Variants in ATP6V1B2 observed in about 807,000 individuals in gnomAD.
ATP6V1B2 encodes V-type proton ATPase subunit B, brain isoform.
A neutral mutation model predicts 66.7 loss-of-function variants in ATP6V1B2; 23 were observed. The observed-to-expected ratio is 0.34, with a 90% CI of 0.25 to 0.49. The LOEUF is 0.49. ATP6V1B2 is among the 20% of genes least tolerant of loss of function. The pLI is 0.99. For missense variants in ATP6V1B2, 478 were observed against 650.8 expected (o/e 0.73, Z 2.89); for synonymous variants, 278 against 236.7 (o/e 1.17, Z -1.60).
At chr8:20,210,288 G>A in intron 3 of ATP6V1B2, 58 bp from the exon 4 acceptor site, 1 of 1,434,422 alleles carries the variant, frequency 7.0e-7, no homozygotes, top group African/African-American at 1.4e-5. Context: ...CAAATAAAAT[G>A]TAAATGCCCG....
intron 2 of ATP6V1B2, among the ~76,000 whole-genome samples, chr8:20,207,479 G>A (rs977985997): frequency 6.6e-6 from 1 of 152,026 alleles, no homozygotes; most frequent in East Asian, 1.9e-4. Flanking sequence ...ACAGAAGACC[G>A]TTTTTGGGTG....
At chr8:20,204,131 A>T in intron 1 of ATP6V1B2, 1 of 405,446 alleles carries the variant, frequency 2.5e-6, no homozygotes, top group East Asian at 6.7e-5. Context: ...AACCCTGTGC[A>T]GGCCATAGTT....
In ATP6V1B2 at chr8:20,211,247, T is replaced by C. The variant is rs767647683; in HGVS notation, c.534T>C (p.Asp178=). Residue 178 remains aspartate (D), a synonymous_variant, in exon 6 of 14, where the codon GAT becomes GAC. Coordinates refer to ENST00000276390, the MANE Select transcript of ATP6V1B2 (RefSeq NM_001693.4). The stretch of plus-strand genomic sequence containing the variant: ...TTCAGACTGGCATTTCGGCCATCGA[T>C]GGGATGAACAGTATTGCTAGGGGGC... ...EMIQTGISAI[D]GMNSIARGQK... 1 of 1,613,382 alleles carries C rather than the reference T, an allele frequency of 6.2e-7. No individual in the cohort carries two copies. The highest frequency in any genetic ancestry group is 8.5e-7 in the Non-Finnish European group (1 of 1,179,792).
At chr8:20,201,786 A>G (rs1462183686) in intron 1 of ATP6V1B2, among the ~76,000 whole-genome samples, 2 of 152,142 alleles carry the variant, frequency 1.3e-5, no homozygotes. Flanking sequence ...ATTTATAAAG[A>G]AAGGGAATTT....
In ATP6V1B2 at chr8:20,197,431, A is replaced by G. The variant is rs776055441; in HGVS notation, c.25A>G (p.Ile9Val). 6.5e-6 allele frequency: 10 copies of G among 1,544,290 alleles called. No individual in the cohort carries two copies. Among genetic ancestry groups the G allele is most frequent in the Non-Finnish European group, 5.2e-6 (6 of 1,146,566 alleles). Residue 9 changes from isoleucine to valine, a missense_variant, in exon 1 of 14, where the codon ATT becomes GTT. Around this residue, in one of 2 missense-constraint regions of ATP6V1B2, gnomAD observed 152 missense variants for 105.2 expected, o/e 1.44. Transcript: ENST00000276390. MALRAMRG[I>V]VNGAAPELPV... ...GATGGCGCTGCGGGCGATGCGGGGGATTGTCAACGGGGCCGCACCCGAGCT... is the reference window on the plus strand; with the variant it reads ...GATGGCGCTGCGGGCGATGCGGGGGGTTGTCAACGGGGCCGCACCCGAGCT...
intron 2 of ATP6V1B2, among the ~76,000 whole-genome samples, chr8:20,208,105 G>T (rs966451940): frequency 2.0e-5 from 3 of 152,184 alleles, no homozygotes; most frequent in African/African-American, 7.2e-5. Context: ...TAGGGAGAGT[G>T]TAAATTAATA....
chr8:20,218,243 G>C lies in ATP6V1B2; in HGVS notation c.1357G>C (p.Glu453Gln). 6.2e-7 allele frequency: 1 copy of C among 1,613,326 alleles called. No homozygotes were observed. The highest frequency in any genetic ancestry group is 8.5e-7 in the Non-Finnish European group (1 of 1,179,478). ...ALTSDDLLYL[E>Q]FLQKFERNFI... The stretch of plus-strand genomic sequence containing the variant: ...TACCTCAGATGATCTTCTCTACTTG[G>C]AATTTCTGCAGAAGTTTGAGAGGAA... Residue 453 changes from glutamate (E) to glutamine (Q), a missense_variant, in exon 13 of 14, where the codon GAA (glutamate) becomes CAA (glutamine). By Grantham distance (29) the Glu-to-Gln change is conservative. Around this residue, in one of 2 missense-constraint regions of ATP6V1B2, gnomAD observed 326 missense variants for 545.6 expected, o/e 0.60. Coordinates refer to ENST00000276390, the MANE Select transcript of ATP6V1B2 (RefSeq NM_001693.4).
chr8:20,220,235 T>C, intron 13 of ATP6V1B2, 28 bp from the exon 14 acceptor site: 2 of 1,601,268 alleles, frequency 1.2e-6, no homozygotes, highest in Non-Finnish European at 1.7e-6. Context: ...GTCATTTGCA[T>C]TTATTAATTC....
chr8:20,219,474 T>C (rs913644877), intron 13 of ATP6V1B2, among the ~76,000 whole-genome samples: 1 of 152,220 alleles, frequency 6.6e-6, no homozygotes, highest in Non-Finnish European at 1.5e-5. Flanking sequence ...CCATCACCCC[T>C]GCTAATGCTA....
chr8:20,211,918 A>G (rs538948064), intron 7 of ATP6V1B2, among the ~76,000 whole-genome samples, 165 bp downstream of exon 7: 2 of 152,224 alleles, frequency 1.3e-5, no homozygotes, highest in Non-Finnish European at 1.5e-5. Context: ...GACTAATTTG[A>G]AATTTAAGAA....
At chr8:20,198,157 C>T (rs116282412) in intron 1 of ATP6V1B2, among the ~76,000 whole-genome samples, 1 of 152,212 alleles carries the variant, frequency 6.6e-6, no homozygotes, top group Non-Finnish European at 1.5e-5. Flanking sequence ...TCCAGTCCAA[C>T]CCTATCATTT....
intron 13 of ATP6V1B2, among the ~76,000 whole-genome samples, chr8:20,219,615 T>G (rs977512971): frequency 6.6e-6 from 1 of 152,144 alleles, no homozygotes; most frequent in Admixed American, 6.6e-5. Context: ...CCCCAAAATA[T>G]TCATGATTAT....
rs531512220 is a variant in ATP6V1B2 at position 20,210,777 on chromosome 8, A to T, written c.463+131A>T. ...AGGCAACACGCTCCATAGGTTATAAATTATTTTATTATTTAATTATATTTT... is the reference window on the plus strand; with the variant it reads ...AGGCAACACGCTCCATAGGTTATAATTTATTTTATTATTTAATTATATTTT... On this transcript the variant is annotated intron_variant, in intron 5 of 13. Coordinates refer to ENST00000276390, the MANE Select transcript of ATP6V1B2 (RefSeq NM_001693.4). The T allele has an allele frequency of 6.3e-5, 27 of 427,444 alleles. 1 individual carries two copies. The South Asian group carries it at 2.1e-3, about 34-fold the overall frequency. 26.5% of individuals were successfully genotyped at this position (427,444 alleles called of 1,614,324 possible).
intron 1 of ATP6V1B2, among the ~76,000 whole-genome samples, chr8:20,204,262 T>C (rs1239090248): frequency 6.6e-6 from 1 of 152,196 alleles, no homozygotes; most frequent in Admixed American, 6.5e-5. Flanking sequence ...AACAATGACT[T>C]ACTAAGGATT....
chr8:20,204,464 T>C lies in ATP6V1B2; in HGVS notation c.137-20T>C, dbSNP rs768155931. 15 of 1,605,960 alleles carry C rather than the reference T, an allele frequency of 9.3e-6. No homozygotes were observed. The highest frequency in any genetic ancestry group is 1.2e-5 in the Non-Finnish European group (14 of 1,174,360). On this transcript the variant is annotated intron_variant, in intron 1 of 13. Transcript: ENST00000276390. The stretch of plus-strand genomic sequence containing the variant: ...TTTGTGCTATTTGACTAAAACTGAC[T>C]CTTCTGTATTTCTTTCCAGCATACA...
At chr8:20,215,123 C>G in intron 10 of ATP6V1B2, 155 bp downstream of exon 10, 1 of 878,840 alleles carries the variant, frequency 1.1e-6, no homozygotes, top group African/African-American at 1.7e-5. Context: ...TTGAAAATTA[C>G]CCACAGTTAT....
intron 11 of ATP6V1B2, 65 bp downstream of exon 11, chr8:20,216,560 G>T: frequency 6.8e-7 from 1 of 1,466,440 alleles, no homozygotes; most frequent in Non-Finnish European, 9.4e-7. Flanking sequence ...TTAGTGACTT[G>T]GATTTTGCTC....
intron 1 of ATP6V1B2, chr8:20,204,222 G>A: frequency 2.2e-6 from 1 of 455,870 alleles, no homozygotes; most frequent in Non-Finnish European, 4.0e-6. Flanking sequence ...CTTTCCCTCT[G>A]TGTCTTGTTT....
At position 20,216,861 on chromosome 8, in the gene ATP6V1B2, T is replaced by A. The variant is rs2072859210; in HGVS notation, c.1162-359T>A. ...TTCTAAAATCAGCTTTTAGGAATTATTGTTAATTTTTTTTATTTTGTGTAT... is the reference window on the plus strand; with the variant it reads ...TTCTAAAATCAGCTTTTAGGAATTAATGTTAATTTTTTTTATTTTGTGTAT... On this transcript the variant is annotated intron_variant, in intron 11 of 13. Coordinates refer to ENST00000276390, the MANE Select transcript of ATP6V1B2 (RefSeq NM_001693.4). 3 of 254,274 alleles carry A rather than the reference T, an allele frequency of 1.2e-5. No individual in the cohort carries two copies. In the South Asian group the frequency reaches 2.3e-4, roughly 19 times the overall value. The allele number at this position is 254,274 out of a possible 1,614,324, so 15.8% of individuals were successfully genotyped here.
Sources: gnomAD v4.1 joint callset for allele counts (sites outside exome capture counted in the v4.1 genomes callset) on GRCh38, gnomAD v4.1.1 for gene constraint, gnomAD v4.1.1 regional missense constraint, MANE v1.5 for transcripts, NCBI Gene and HGNC (gene_info 2026-07-23, HGNC 2026-07-21) for gene names.